The following PPFIA2 variants were observed in gnomAD, a reference collection of about 807,000 sequenced individuals.
PPFIA2 encodes the protein PPFI scaffold protein A2.
Under a neutral mutation model 175.5 loss-of-function variants are expected in PPFIA2, and 46 were observed. The observed-to-expected ratio is 0.26, with a 90% CI of 0.21 to 0.34. The LOEUF (loss-of-function observed/expected upper bound fraction) is 0.34, where lower values mean the gene tolerates loss of function less well. Among genes scored for constraint, PPFIA2 ranks in the 10% least tolerant of loss-of-function variants. PPFIA2 has a pLI of 1.00. For synonymous variants in PPFIA2, 568 were observed against 511.4 expected (o/e 1.11, Z -1.49); for missense variants, 1,179 against 1,506.1 (o/e 0.78, Z 3.60).
At chr12:81,588,116 A>T (rs1024834199) in intron 4 of PPFIA2, among the ~76,000 whole-genome samples, 1 of 152,006 alleles carries the variant, frequency 6.6e-6, no homozygotes, top group Non-Finnish European at 1.5e-5. Context: ...TTATTATGGT[A>T]AGGAAGTATA....
intron 4 of PPFIA2, among the ~76,000 whole-genome samples, chr12:81,610,832 T>A (rs1383254720): frequency 6.6e-6 from 1 of 152,198 alleles, no homozygotes; most frequent in East Asian, 1.9e-4. Context: ...ACTGATTCTT[T>A]CTCATCAGAG....
In PPFIA2 at chr12:81,712,116, T is replaced by C. The variant is rs185939103; in HGVS notation, c.250-35272A>G. Among the ~76,000 whole-genome samples the C allele has an allele frequency of 6.6e-5, 10 of 151,514 alleles. 1 individual carries two copies. In the East Asian group the frequency reaches 8.0e-4, roughly 12 times the overall value. ...AGAATTAACATCAATTATACTAATA[T>C]GTTCTGTGTAAAACAACTTAGCACC... On this transcript the variant is annotated intron_variant, in intron 3 of 32. Coordinates refer to ENST00000549396, the MANE Select transcript of PPFIA2 (RefSeq NM_003625.5).
At chr12:81,492,129 T>C (rs1415656505) in intron 4 of PPFIA2, among the ~76,000 whole-genome samples, 1 of 152,048 alleles carries the variant, frequency 6.6e-6, no homozygotes, top group Non-Finnish European at 1.5e-5. Context: ...TCACCATTTT[T>C]TTTTAGGAAA....
chr12:81,674,486 G>A (rs907423339), intron 4 of PPFIA2, among the ~76,000 whole-genome samples: 3 of 151,884 alleles, frequency 2.0e-5, no homozygotes, highest in Non-Finnish European at 4.4e-5. Flanking sequence ...TGACCAACAC[G>A]GTGAAACCCT....
intron 29 of PPFIA2, among the ~76,000 whole-genome samples, chr12:81,267,463 G>A (rs1015492962): frequency 1.3e-5 from 2 of 152,142 alleles, no homozygotes; most frequent in African/African-American, 4.8e-5. Context: ...GACAACTGAT[G>A]TCTTAGGACT....
intron 24 of PPFIA2, among the ~76,000 whole-genome samples, chr12:81,284,922 A>G (rs1442620567): frequency 6.6e-6 from 1 of 152,162 alleles, no homozygotes; most frequent in Non-Finnish European, 1.5e-5. Context: ...GTGAAATGCT[A>G]TTTTTAATTT....
chr12:81,440,008 A>T lies in PPFIA2; in HGVS notation c.609T>A (p.Ser203=). ...ERLRVSLERV[S]ALEEELAAAN... is the part of the protein sequence containing the mutation. ...CAGCAGCTAGTTCTTCTTCCAGTGC[A>T]GAGACTCTTTCTAAAGAAACCCTCA... Residue 203 remains serine, a synonymous_variant, in exon 7 of 33, where the codon TCT becomes TCA. Transcript: ENST00000549396. The T allele has an allele frequency of 6.2e-7, 1 of 1,602,788 alleles. No homozygotes were observed. Among genetic ancestry groups the T allele is most frequent in the Non-Finnish European group, 8.5e-7 (1 of 1,175,966 alleles).
At chr12:81,403,391 A>G (rs2042387391) in intron 8 of PPFIA2, among the ~76,000 whole-genome samples, 1 of 152,206 alleles carries the variant, frequency 6.6e-6, no homozygotes, top group Non-Finnish European at 1.5e-5. Flanking sequence ...CCCGAAAAAT[A>G]ATCTGTCATA....
At chr12:81,730,624 G>A (rs1181713378) in intron 3 of PPFIA2, among the ~76,000 whole-genome samples, 1 of 151,522 alleles carries the variant, frequency 6.6e-6, no homozygotes, top group Non-Finnish European at 1.5e-5. Flanking sequence ...GTGAGATTTG[G>A]GTGGGGACAC....
At chr12:81,597,907 A>G (rs781358882) in intron 4 of PPFIA2, 1 of 1,516,742 alleles carries the variant, frequency 6.6e-7, no homozygotes, top group Non-Finnish European at 8.8e-7. Flanking sequence ...AAGTTTGACA[A>G]TACATTAACT....
At chr12:81,603,295 A>C (rs1266810823) in intron 4 of PPFIA2, among the ~76,000 whole-genome samples, 1 of 151,862 alleles carries the variant, frequency 6.6e-6, no homozygotes, top group African/African-American at 2.4e-5. Context: ...CATTAATTGC[A>C]ATGTCTCATT....
rs1270272361 is a variant in PPFIA2 at position 81,341,006 on chromosome 12, G to A, written c.2393+72C>T. 12 of 1,427,364 alleles carry A rather than the reference G, an allele frequency of 8.4e-6. No individual in the cohort carries two copies. The East Asian group carries it at 1.2e-4, about 14-fold the overall frequency. The allele number at this position is 1,427,364 out of a possible 1,614,324, so 88.4% of individuals were successfully genotyped here. ...ATGTAAATTGTTAAGCAGTCTATTC[G>A]ACAACAACGAAGGAAGAGGAATATT... is the stretch of plus-strand genomic sequence containing the variant. On this transcript the variant is annotated intron_variant, in intron 20 of 32. Transcript: ENST00000549396.
At chr12:81,307,416 C>A (rs540991403) in intron 22 of PPFIA2, among the ~76,000 whole-genome samples, 1 of 152,156 alleles carries the variant, frequency 6.6e-6, no homozygotes, top group Admixed American at 6.5e-5. Flanking sequence ...GATTATAGGG[C>A]ATTTTTAAAG....
chr12:81,705,658 T>C (rs1170703331), intron 3 of PPFIA2, among the ~76,000 whole-genome samples: 2 of 151,978 alleles, frequency 1.3e-5, no homozygotes, highest in Admixed American at 1.3e-4. Context: ...GGAGTAAAGA[T>C]TTTCTCCACA....
intron 4 of PPFIA2, among the ~76,000 whole-genome samples, chr12:81,553,140 G>C (rs1254782231): frequency 2.0e-5 from 3 of 151,980 alleles, no homozygotes; most frequent in Non-Finnish European, 4.4e-5. Context: ...AGAGGCCAGA[G>C]AAGGTATCTT....
intron 13 of PPFIA2, chr12:81,368,088 G>A (rs1422794649): frequency 1.6e-6 from 2 of 1,284,366 alleles, no homozygotes; most frequent in South Asian, 2.5e-5. Context: ...TGATCATCCG[G>A]GTTTTATACC....
intron 3 of PPFIA2, among the ~76,000 whole-genome samples, chr12:81,735,309 T>G (rs1427505410): frequency 6.6e-6 from 1 of 151,768 alleles, no homozygotes; most frequent in Admixed American, 6.6e-5. Context: ...TTCTAGATGG[T>G]GTGAAATGTG....
At chr12:81,454,476 A>G (rs1394844038) in intron 5 of PPFIA2, among the ~76,000 whole-genome samples, 3 of 152,174 alleles carry the variant, frequency 2.0e-5, no homozygotes, top group Non-Finnish European at 4.4e-5. Context: ...TGTGAGAATA[A>G]AGTGAGTTAA....
chr12:81,300,068 T>C (rs1017291285), intron 22 of PPFIA2, among the ~76,000 whole-genome samples: 1 of 152,178 alleles, frequency 6.6e-6, no homozygotes, highest in African/African-American at 2.4e-5. Flanking sequence ...TAACAACAAA[T>C]GGTTGTTTTG....
Sources: gnomAD v4.1 joint callset for allele counts (sites outside exome capture counted in the v4.1 genomes callset) on GRCh38, gnomAD v4.1.1 for gene constraint, MANE v1.5 for transcripts, NCBI Gene and HGNC (gene_info 2026-07-23, HGNC 2026-07-21) for gene names.